CCDC30: variants seen among roughly 807,000 people sequenced by gnomAD.
CCDC30 encodes coiled-coil domain-containing protein 30.
Under a neutral mutation model 100.2 loss-of-function variants are expected in CCDC30, and 70 were observed. The observed-to-expected ratio is 0.70, with a 90% CI of 0.58 to 0.85. The LOEUF (loss-of-function observed/expected upper bound fraction) is 0.85. CCDC30 is among the 40% of genes least tolerant of loss of function. The pLI is 0.00. For synonymous variants in CCDC30, 233 were observed against 269.5 expected, an observed-to-expected ratio of 0.86 and a Z score of 1.33; for missense variants, 652 against 771.2, an observed-to-expected ratio of 0.85 and a Z score of 1.83.
At chr1:42,633,369 G>A (rs1403927156) in intron 11 of CCDC30, among the ~76,000 whole-genome samples, 4 of 152,032 alleles carry the variant, frequency 2.6e-5, no homozygotes, top group Admixed American at 6.6e-5. Context: ...GGCCATTGGT[G>A]GTTCAACTCA....
chr1:42,630,250 C>T (rs1029376329), intron 11 of CCDC30, among the ~76,000 whole-genome samples: 28 of 152,310 alleles, frequency 1.8e-4, no homozygotes, highest in Admixed American at 1.6e-3. Flanking sequence ...GTTGGGATTA[C>T]AGGCGTGAGC....
chr1:42,621,467 C>A (rs1033808553), intron 11 of CCDC30, among the ~76,000 whole-genome samples: 1 of 151,440 alleles, frequency 6.6e-6, no homozygotes, highest in African/African-American at 2.4e-5. Context: ...AGGCATGTGC[C>A]ACCACACCTG....
chr1:42,514,409 C>T (rs1402737865), intron 6 of CCDC30, among the ~76,000 whole-genome samples: 1 of 151,888 alleles, frequency 6.6e-6, no homozygotes, highest in African/African-American at 2.4e-5. Flanking sequence ...AACACTTATC[C>T]TTCTTTTTTA....
intron 6 of CCDC30, among the ~76,000 whole-genome samples, chr1:42,510,439 AC>A (rs1475824767): frequency 2.0e-5 from 3 of 152,148 alleles, no homozygotes; most frequent in African/African-American, 7.2e-5. Flanking sequence ...TGGGCAGATC[AC>A]GAGGTCAGGA....
intron 15 of CCDC30, among the ~76,000 whole-genome samples, chr1:42,649,354 A>T (rs942082616): frequency 2.0e-5 from 3 of 152,230 alleles, no homozygotes; most frequent in African/African-American, 4.8e-5. Flanking sequence ...CAAAAACCAT[A>T]TGATCATCTT....
At chr1:42,537,115 G>T (rs948762762) in intron 6 of CCDC30, 10 of 447,768 alleles carry the variant, frequency 2.2e-5, no homozygotes, top group Admixed American at 7.3e-5. Flanking sequence ...TAGCTCTGTT[G>T]TTTCTCCAAG....
chr1:42,456,558 C>G, the CCDC30 span: 4 of 1,465,056 alleles, frequency 2.7e-6, no homozygotes, highest in South Asian at 1.4e-5. Context: ...CCGGCCGCTG[C>G]GCTGCAGATG....
At chr1:42,641,648 C>G (rs1647407120) in intron 12 of CCDC30, among the ~76,000 whole-genome samples, 1 of 152,154 alleles carries the variant, frequency 6.6e-6, no homozygotes, top group Admixed American at 6.5e-5. Context: ...GGGCAGATCA[C>G]TTGTGATCAG....
the CCDC30 span, chr1:42,456,118 G>C: frequency 4.0e-6 from 3 of 755,302 alleles, no homozygotes; most frequent in Non-Finnish European, 6.9e-6. Flanking sequence ...GAGGGCGGCG[G>C]GACGTGACTC....
intron 1 of CCDC30, among the ~76,000 whole-genome samples, chr1:42,467,361 A>G (rs1643622681): frequency 6.6e-6 from 1 of 152,254 alleles, no homozygotes; most frequent in Admixed American, 6.5e-5. Context: ...AATAGTAGGC[A>G]AGCCTAAACT....
At chr1:42,575,557 G>C (rs1388152866) in intron 7 of CCDC30, among the ~76,000 whole-genome samples, 1 of 148,934 alleles carries the variant, frequency 6.7e-6, no homozygotes, top group Non-Finnish European at 1.5e-5. Flanking sequence ...GGCTGAGGCA[G>C]GAGAATGGCG....
chr1:42,533,086 T>A (rs1298759859), intron 6 of CCDC30, among the ~76,000 whole-genome samples: 1 of 152,232 alleles, frequency 6.6e-6, no homozygotes, highest in Non-Finnish European at 1.5e-5. Flanking sequence ...GTAAATCTTG[T>A]CCCTGTGCCC....
chr1:42,535,686 C>A (rs1229165271), intron 6 of CCDC30, among the ~76,000 whole-genome samples: 1 of 2,624 alleles, frequency 3.8e-4, no homozygotes. Flanking sequence ...ATGGTGAAAT[C>A]CCATCACTAC....
chr1:42,650,497 ATGTGTGTGTGTGTGTGTGTGTGTG>A (rs57051349), intron 15 of CCDC30, among the ~76,000 whole-genome samples: 2 of 136,194 alleles, frequency 1.5e-5, no homozygotes, highest in Non-Finnish European at 3.1e-5. Flanking sequence ...AAAAATATAT[ATGTGTGTGTGTGTGTGTGTGTGTG>A]TGTGTGTGTG....
intron 11 of CCDC30, among the ~76,000 whole-genome samples, chr1:42,632,322 G>T (rs1222498373): frequency 6.6e-6 from 1 of 152,104 alleles, no homozygotes; most frequent in Admixed American, 6.5e-5. Context: ...TGTGGTTGAG[G>T]TGGGCGTGGT....
intron 6 of CCDC30, among the ~76,000 whole-genome samples, chr1:42,517,063 C>T (rs1218016678): frequency 6.6e-6 from 1 of 152,026 alleles, no homozygotes; most frequent in Non-Finnish European, 1.5e-5. Flanking sequence ...TTGTAGGTTG[C>T]CTTTCTACTT....
In CCDC30 at chr1:42,622,184, A is replaced by C. The variant is rs141484667; in HGVS notation, c.1277+11094A>C. 3.3e-4 allele frequency among the ~76,000 whole-genome samples: 50 copies of C among 152,318 alleles called. 1 individual carries two copies. In the East Asian group the frequency reaches 9.1e-3, roughly 28 times the overall value. On this transcript the variant is annotated intron_variant, in intron 11 of 16. Transcript: ENST00000668663. ...AGATCCCACAAATAAATGAGAACAT[A>C]TGATGTTTGTCTTTCTGTGCATGGC...
Position 42,632,574 on chromosome 1 carries a change from A to C in CCDC30, c.1278-4663A>C, listed in dbSNP as rs577595910. ...AGGTCAGGAGTTCGAGACCAACCTC[A>C]ACATGGAGAAACCCTGTCTCTACTA... On this transcript the variant is annotated intron_variant, in intron 11 of 16. Transcript: ENST00000668663. 2.0e-5 allele frequency among the ~76,000 whole-genome samples: 3 copies of C among 151,886 alleles called. No individual in the cohort carries two copies. In the South Asian group the frequency reaches 6.2e-4, roughly 32 times the overall value.
chr1:42,572,671 C>T (rs1645756353), intron 7 of CCDC30, among the ~76,000 whole-genome samples: 1 of 152,166 alleles, frequency 6.6e-6, no homozygotes, highest in African/African-American at 2.4e-5. Flanking sequence ...GCCTGGAGTA[C>T]AGTGGCATGA....
Sources: allele counts gnomAD v4.1 joint callset (sites outside exome capture counted in the v4.1 genomes callset), GRCh38; gene constraint gnomAD v4.1.1; transcripts MANE v1.5; gene names NCBI Gene and HGNC (gene_info 2026-07-23, HGNC 2026-07-21).